CATSPERT: variants seen among roughly 807,000 people sequenced by gnomAD.
The protein encoded by CATSPERT is catsper channel auxiliary subunit tau.
At chr2:201,488,690 T>G in the CATSPERT span, among the ~76,000 whole-genome samples, 2 of 152,188 alleles carry the variant, frequency 1.3e-5, no homozygotes, top group Non-Finnish European at 2.9e-5. Context: ...GGGAATGGGC[T>G]GCTTGATTTG....
the CATSPERT span, among the ~76,000 whole-genome samples, chr2:201,544,112 G>A: frequency 2.0e-5 from 3 of 152,012 alleles, no homozygotes; most frequent in African/African-American, 4.8e-5. Context: ...TGCGGTGTTC[G>A]TTTTTTTGTC....
chr2:201,574,355 T>C, the CATSPERT span: 1 of 1,255,964 alleles, frequency 8.0e-7, no homozygotes, highest in Non-Finnish European at 1.1e-6. Flanking sequence ...TATTTTTACC[T>C]TACAAATCTG....
chr2:201,494,805 G>C, the CATSPERT span: 1 of 1,441,290 alleles, frequency 6.9e-7, no homozygotes. Flanking sequence ...CAATGATTTT[G>C]AATTTATCAT....
At chr2:201,575,339 AT>A in the CATSPERT span, 5 of 1,582,684 alleles carry the variant, frequency 3.2e-6, no homozygotes, top group Non-Finnish European at 3.4e-6. Flanking sequence ...AGAAAAAAAA[AT>A]AAAAATTTTA....
the CATSPERT span, among the ~76,000 whole-genome samples, chr2:201,569,730 A>G: frequency 0.42 from 64,559 of 151,982 alleles, 14,330 homozygotes; most frequent in East Asian, 0.75. Context: ...AGTCCACTCT[A>G]ACATAATTTC....
chr2:201,509,580 G>T, the CATSPERT span, among the ~76,000 whole-genome samples: 2 of 150,924 alleles, frequency 1.3e-5, no homozygotes, highest in Admixed American at 1.3e-4. Flanking sequence ...CTCATGAAAA[G>T]AGATAAGATA....
chr2:201,530,943 TTGTTTTGTTTTTTGTGGG>T, the CATSPERT span, among the ~76,000 whole-genome samples: 1 of 148,724 alleles, frequency 6.7e-6, no homozygotes, highest in Admixed American at 7.0e-5. Flanking sequence ...TGTTTTTGTT[TTGTTTTGTTTTTTGTGGG>T]TTTTTTTTTT....
chr2:201,551,595 G>C, the CATSPERT span, among the ~76,000 whole-genome samples: 1 of 152,150 alleles, frequency 6.6e-6, no homozygotes, highest in African/African-American at 2.4e-5. Flanking sequence ...CTATAGCAGA[G>C]AGCTCAGGCA....
chr2:201,512,740 C>A, the CATSPERT span, among the ~76,000 whole-genome samples: 66 of 152,110 alleles, frequency 4.3e-4, no homozygotes, highest in Admixed American at 4.1e-3. Context: ...CTGCTATGAA[C>A]ATTGTATATA....
At chr2:201,604,493 C>G in the CATSPERT span, 1 of 512,722 alleles carries the variant, frequency 2.0e-6, no homozygotes, top group Non-Finnish European at 3.3e-6. Context: ...GTTTTTCTGA[C>G]TCATAAAAAT....
the CATSPERT span, chr2:201,492,875 T>C: frequency 1.7e-5 from 26 of 1,536,626 alleles, no homozygotes; most frequent in Admixed American, 2.0e-4. Context: ...TAATGCTGGA[T>C]TTGTTTACTT....
the CATSPERT span, among the ~76,000 whole-genome samples, chr2:201,489,493 A>G: frequency 1.3e-5 from 2 of 152,218 alleles, no homozygotes; most frequent in African/African-American, 4.8e-5. Context: ...GCTGATATTT[A>G]TACCCTGTCA....
chr2:201,508,697 T>C, the CATSPERT span, among the ~76,000 whole-genome samples: 1 of 152,202 alleles, frequency 6.6e-6, no homozygotes, highest in Non-Finnish European at 1.5e-5. Context: ...TGAGCCATGA[T>C]CGCACTCATA....
the CATSPERT span, among the ~76,000 whole-genome samples, chr2:201,580,973 CAG>C: frequency 6.6e-6 from 1 of 152,182 alleles, no homozygotes; most frequent in South Asian, 2.1e-4. Flanking sequence ...AACTAAGAGA[CAG>C]AGTTTGCAGC....
chr2:201,561,184 G>A, the CATSPERT span, among the ~76,000 whole-genome samples: 1 of 152,158 alleles, frequency 6.6e-6, no homozygotes, highest in African/African-American at 2.4e-5. Context: ...TTGTTATGCA[G>A]CAATAGGAAG....
the CATSPERT span, among the ~76,000 whole-genome samples, chr2:201,515,202 GTTTTTTTTTTTTTTTTTTTTTTTTTTTTT>G: frequency 4.1e-4 from 10 of 24,672 alleles, no homozygotes; most frequent in South Asian, 3.2e-3. Context: ...TCTGCCCATA[GTTTTTTTTTTTTTTTTTTTTTTTTTTTTT>G]TTTTTTTTTT....
chr2:201,489,859 A>AT, the CATSPERT span, among the ~76,000 whole-genome samples: 55,474 of 142,822 alleles, frequency 0.39, 10,843 homozygotes, highest in Admixed American at 0.47. Flanking sequence ...TACTTTCCTA[A>AT]TTTTTTTTTT....
the CATSPERT span, among the ~76,000 whole-genome samples, chr2:201,508,951 G>A: frequency 3.5e-4 from 50 of 144,880 alleles, 1 homozygote; most frequent in Non-Finnish European, 5.4e-4. Context: ...ATGGGTGTGC[G>A]AAATTTCTTC....
At chr2:201,519,374 C>T in the CATSPERT span, among the ~76,000 whole-genome samples, 2 of 152,138 alleles carry the variant, frequency 1.3e-5, no homozygotes, top group Admixed American at 1.3e-4. Flanking sequence ...ACAAATAAGT[C>T]TTTCCCTACA....
Sources: allele counts gnomAD v4.1 joint callset (sites outside exome capture counted in the v4.1 genomes callset), GRCh38; gene constraint gnomAD v4.1.1; transcripts MANE v1.5; gene names NCBI Gene and HGNC (gene_info 2026-07-23, HGNC 2026-07-21).